The following PPIL3 variants were observed in gnomAD, a reference collection of about 807,000 sequenced individuals.
The protein encoded by PPIL3 is peptidylprolyl isomerase like 3, also known as peptidyl-prolyl cis-trans isomerase-like 3.
Under a neutral mutation model 20.9 loss-of-function variants are expected in PPIL3, and 13 were observed. The ratio of observed to expected loss-of-function variants is 0.62; its 90% confidence interval spans 0.40 to 0.99. The LOEUF (loss-of-function observed/expected upper bound fraction) is 0.99, where lower values mean the gene tolerates loss of function less well. Among genes scored for constraint, PPIL3 ranks in the 50% least tolerant of loss-of-function variants. PPIL3 has a pLI of 0.00. For missense variants in PPIL3, 170 were observed against 195.2 expected (o/e 0.87, Z 0.77); for synonymous variants, 71 against 64.4 (o/e 1.10, Z -0.49).
At chr2:200,887,913 C>T (rs2040014529) in intron 1 of PPIL3, among the ~76,000 whole-genome samples, 2 of 151,862 alleles carry the variant, frequency 1.3e-5, no homozygotes, top group East Asian at 1.9e-4. Context: ...AAAAATTAGC[C>T]GGGTGTGGTG....
In PPIL3 at chr2:200,889,073, G is replaced by A. The variant is rs931675969; in HGVS notation, c.-188C>T. ...AGTTTCTTTGGGCCAGCGGAAGTTG[G>A]GCGCGGGACCCAAGAGAGAGAACGC... On this transcript the variant is annotated 5_prime_UTR_variant, in exon 1 of 7. Coordinates refer to ENST00000392283, the MANE Select transcript of PPIL3 (RefSeq NM_130906.3). The A allele has an allele frequency of 1.6e-4, 76 of 470,882 alleles. No individual in the cohort carries two copies. The East Asian group carries it at 4.4e-3, about 27-fold the overall frequency. 29.2% of individuals were successfully genotyped at this position (470,882 alleles called of 1,614,324 possible). A position where few individuals can be genotyped will look rare whatever the true frequency, so the allele number is the denominator to read the frequency against.
chr2:200,874,611 G>A (rs984182069), intron 6 of PPIL3, among the ~76,000 whole-genome samples: 2 of 152,140 alleles, frequency 1.3e-5, no homozygotes, highest in African/African-American at 4.8e-5. Context: ...CCAGTAAAAT[G>A]AGTCCTGGTA....
Position 200,887,735 on chromosome 2 carries a change from A to T in PPIL3, c.-70-50T>A, listed in dbSNP as rs2040002119. 6.5e-6 allele frequency: 5 copies of T among 770,908 alleles called. No homozygotes were observed. In the East Asian group the frequency reaches 1.3e-4, roughly 20 times the overall value. 47.8% of individuals were successfully genotyped at this position (770,908 alleles called of 1,614,324 possible). On this transcript the variant is annotated intron_variant, in intron 1 of 6. Coordinates refer to ENST00000392283, the MANE Select transcript of PPIL3 (RefSeq NM_130906.3). ...TAGGCTCATTTTCCTGTCTTAACTC[A>T]CACACGCTCATCTTTACTGAACATT...
At position 200,887,699 on chromosome 2, in the gene PPIL3, A is replaced by G. The variant is rs2039998872; in HGVS notation, c.-70-14T>C. 3.5e-6 allele frequency: 4 copies of G among 1,156,168 alleles called. No homozygotes were observed. The Admixed American group carries it at 9.0e-5, about 26-fold the overall frequency. 71.6% of individuals were successfully genotyped at this position (1,156,168 alleles called of 1,614,324 possible). On this transcript the variant is annotated splice_polypyrimidine_tract_variant and intron_variant, in intron 1 of 6. Transcript: ENST00000392283. ...AAAAATAAGTCTCTAGTCCCAAAAG[A>G]AAAAAAGAATTAGGCTCATTTTCCT...
chr2:200,872,556 C>T (rs529104122), intron 6 of PPIL3, among the ~76,000 whole-genome samples: 1 of 152,232 alleles, frequency 6.6e-6, no homozygotes, highest in African/African-American at 2.4e-5. Context: ...CTCTGGCAAC[C>T]AGCCCTCCAT....
Position 200,870,983 on chromosome 2 carries a change from T to TTAA in PPIL3, c.*411_*412insTTA, listed in dbSNP as rs1559332605. The TTAA allele has an allele frequency of 6.4e-6, 1 of 155,090 alleles. No individual in the cohort carries two copies. The highest frequency in any genetic ancestry group is 2.4e-5 in the African/African-American group (1 of 41,180). 9.6% of individuals were successfully genotyped at this position (155,090 alleles called of 1,614,324 possible). ...GCCTGAAGGTAATTTTACACAATAT[T>TTAA]TTAATTAATTTGTCCTACGATTTAA... On this transcript the variant is annotated 3_prime_UTR_variant, in exon 7 of 7. Coordinates refer to ENST00000392283, the MANE Select transcript of PPIL3 (RefSeq NM_130906.3).
chr2:200,885,268 G>A, intron 3 of PPIL3: 2 of 329,162 alleles, frequency 6.1e-6, no homozygotes, highest in Non-Finnish European at 1.1e-5. Flanking sequence ...TTACTCGGGA[G>A]GCTGAGGCAG....
chr2:200,876,870 C>T, intron 6 of PPIL3, 49 bp downstream of exon 6: 1 of 1,318,558 alleles, frequency 7.6e-7, no homozygotes, highest in Non-Finnish European at 1.1e-6. Context: ...TAAGCATATG[C>T]ACCACTTGCA....
chr2:200,882,076 G>C (rs1375574022), intron 4 of PPIL3, among the ~76,000 whole-genome samples: 1 of 152,190 alleles, frequency 6.6e-6, no homozygotes, highest in Non-Finnish European at 1.5e-5. Flanking sequence ...CTAGTTGTGG[G>C]TGGGGGCAAG....
At chr2:200,878,591 T>G (rs540042835) in intron 5 of PPIL3, among the ~76,000 whole-genome samples, 1 of 152,168 alleles carries the variant, frequency 6.6e-6, no homozygotes, top group South Asian at 2.1e-4. Context: ...GGGCTCAATA[T>G]GTTGCTCAGG....
chr2:200,876,517 AT>A (rs1273010531), intron 6 of PPIL3, among the ~76,000 whole-genome samples: 1,938 of 130,626 alleles, frequency 0.015, 17 homozygotes, highest in African/African-American at 0.044. Context: ...TTTTCTTTTC[AT>A]TTTTTTTTTT....
chr2:200,882,458 A>C (rs575175071), intron 3 of PPIL3, 23 bp from the exon 4 acceptor site: 1 of 1,409,482 alleles, frequency 7.1e-7, no homozygotes, highest in South Asian at 1.2e-5. Context: ...AAAATGATTG[A>C]GAAATGATGC....
intron 4 of PPIL3, 149 bp downstream of exon 4, chr2:200,882,192 AC>A (rs2039757313): frequency 1.6e-6 from 1 of 618,798 alleles, no homozygotes; most frequent in Non-Finnish European, 2.9e-6. Flanking sequence ...TACCTATGTA[AC>A]AAACCTGCAT....
In PPIL3 at chr2:200,871,467, C is replaced by T. The variant is rs765192363; in HGVS notation, c.414G>A (p.Glu138=). Residue 138 remains glutamate (E), a synonymous_variant, in exon 7 of 7, where the codon GAG becomes GAA. Coordinates refer to ENST00000392283, the MANE Select transcript of PPIL3 (RefSeq NM_130906.3). The stretch of plus-strand genomic sequence containing the variant: ...CATCATTAAGAGGTCGGTATGTCTT[C>T]TCATTTACTGGCAACTTCTCCAACT... ...LDELEKLPVN[E]KTYRPLNDVH... 3.1e-6 allele frequency: 5 copies of T among 1,611,474 alleles called. No individual in the cohort carries two copies. The highest frequency in any genetic ancestry group is 3.3e-5 in the Admixed American group (2 of 59,962).
intron 5 of PPIL3, among the ~76,000 whole-genome samples, chr2:200,881,069 G>A (rs747278329): frequency 2.6e-5 from 4 of 152,136 alleles, no homozygotes; most frequent in Non-Finnish European, 5.9e-5. Flanking sequence ...AAGTTTGATA[G>A]TCTTTCCTCC....
chr2:200,887,544 T>G (rs2039987207), intron 2 of PPIL3, 69 bp downstream of exon 2: 2 of 1,213,730 alleles, frequency 1.6e-6, no homozygotes, highest in African/African-American at 3.0e-5. Context: ...GAACTTTTAT[T>G]GCCCTTGACT....
chr2:200,882,486 G>C (rs2039769030), intron 3 of PPIL3, 51 bp from the exon 4 acceptor site: 1 of 1,113,430 alleles, frequency 9.0e-7, no homozygotes, highest in Non-Finnish European at 1.4e-6. Context: ...ACCCAGTTAA[G>C]ACAAAAAACC....
chr2:200,885,302 C>T (rs1454773923), intron 3 of PPIL3: 6 of 348,374 alleles, frequency 1.7e-5, no homozygotes, highest in African/African-American at 2.1e-5. Context: ...ACCCAGGAGG[C>T]GGAGGTTGCA....
At chr2:200,887,510 C>T in intron 2 of PPIL3, 103 bp downstream of exon 2, 1 of 746,466 alleles carries the variant, frequency 1.3e-6, no homozygotes, top group Non-Finnish European at 2.2e-6. Context: ...TACAATTTCT[C>T]CATCTTGCCA....
Sources: gnomAD v4.1 joint callset for allele counts (sites outside exome capture counted in the v4.1 genomes callset) on GRCh38, gnomAD v4.1.1 for gene constraint, MANE v1.5 for transcripts, NCBI Gene and HGNC (gene_info 2026-07-23, HGNC 2026-07-21) for gene names.